TENM3: variants seen among roughly 807,000 people sequenced by gnomAD.
The protein encoded by TENM3 is teneurin transmembrane protein 3, also known as teneurin-3.
In TENM3, 63 loss-of-function variants were observed where a neutral mutation model predicts 255.1. That is an observed-to-expected ratio of 0.25 (90% CI 0.20 to 0.30). The LOEUF is 0.30. Among genes scored for constraint, TENM3 ranks in the 10% least tolerant of loss-of-function variants. The probability of loss-of-function intolerance (pLI) is 1.00; values close to 1 mark genes in which losing one functional copy is unlikely to be tolerated. For missense variants in TENM3, 2,929 were observed against 3,461.1 expected (o/e 0.85, Z 3.86); for synonymous variants, 1,306 against 1,322.3 (o/e 0.99, Z 0.27).
the TENM3 span, among the ~76,000 whole-genome samples, chr4:181,548,591 G>C: frequency 6.6e-6 from 1 of 152,100 alleles, no homozygotes; most frequent in Non-Finnish European, 1.5e-5. Context: ...TAATTTCCAC[G>C]TGGATTCCTC....
chr4:182,721,124 G>A (rs6847202), intron 13 of TENM3, among the ~76,000 whole-genome samples: 95 of 152,214 alleles, frequency 6.2e-4, no homozygotes, highest in African/African-American at 2.3e-3. Context: ...TGAAGCTTAA[G>A]AATGTGGACG....
intron 22 of TENM3, among the ~76,000 whole-genome samples, chr4:182,760,383 G>A (rs569825169): frequency 4.1e-4 from 62 of 152,228 alleles, no homozygotes; most frequent in African/African-American, 1.2e-3. Context: ...AACAGAATAC[G>A]TTATTTAATA....
chr4:182,271,899 G>A (rs1759653847), intron 1 of TENM3, among the ~76,000 whole-genome samples: 1 of 152,190 alleles, frequency 6.6e-6, no homozygotes, highest in African/African-American at 2.4e-5. Context: ...GTGAGAGCAG[G>A]TGCAGCAGGG....
intron 3 of TENM3, among the ~76,000 whole-genome samples, chr4:182,383,506 G>A (rs1182137733): frequency 6.6e-6 from 1 of 152,028 alleles, no homozygotes; most frequent in Non-Finnish European, 1.5e-5. Context: ...AGGGGTACAG[G>A]TGCAGGTTTG....
At chr4:181,900,065 A>G in the TENM3 span, among the ~76,000 whole-genome samples, 1 of 152,186 alleles carries the variant, frequency 6.6e-6, no homozygotes, top group Non-Finnish European at 1.5e-5. Flanking sequence ...CATGAAAATA[A>G]CAACTTCTAT....
chr4:181,869,830 T>C, the TENM3 span, among the ~76,000 whole-genome samples: 26 of 152,044 alleles, frequency 1.7e-4, 1 homozygote, highest in African/African-American at 6.0e-4. Flanking sequence ...CAACAAACAA[T>C]AAAAATAATA....
chr4:182,656,862 A>G (rs1442919378), intron 6 of TENM3, among the ~76,000 whole-genome samples: 1 of 152,200 alleles, frequency 6.6e-6, no homozygotes, highest in Non-Finnish European at 1.5e-5. Flanking sequence ...TATCTAAAAG[A>G]AGGATTTCTG....
intron 2 of TENM3, among the ~76,000 whole-genome samples, chr4:182,345,113 C>T (rs971105122): frequency 2.6e-5 from 4 of 152,226 alleles, no homozygotes; most frequent in Non-Finnish European, 4.4e-5. Context: ...AACTGATTTT[C>T]ATTATTTATG....
At chr4:181,749,897 C>T in the TENM3 span, among the ~76,000 whole-genome samples, 79 of 152,134 alleles carry the variant, frequency 5.2e-4, 1 homozygote, top group Non-Finnish European at 9.1e-4. Context: ...CCCACTTGCC[C>T]GAAATATGTC....
At chr4:182,439,637 T>A (rs559687654) in intron 3 of TENM3, among the ~76,000 whole-genome samples, 1 of 152,334 alleles carries the variant, frequency 6.6e-6, no homozygotes, top group African/African-American at 2.4e-5. Flanking sequence ...CTGTCTCTAT[T>A]TCCCCACCAT....
chr4:182,687,276 T>A (rs910670039), intron 11 of TENM3, among the ~76,000 whole-genome samples: 3 of 152,192 alleles, frequency 2.0e-5, no homozygotes, highest in Non-Finnish European at 2.9e-5. Flanking sequence ...AACTTTAATC[T>A]TATATGTAAA....
At chr4:181,896,647 G>A in the TENM3 span, among the ~76,000 whole-genome samples, 2 of 152,300 alleles carry the variant, frequency 1.3e-5, no homozygotes, top group South Asian at 4.1e-4. Flanking sequence ...AAAAAACGGA[G>A]GCATGCATTG....
chr4:182,313,815 C>G (rs545296783), intron 1 of TENM3, among the ~76,000 whole-genome samples: 1 of 152,064 alleles, frequency 6.6e-6, no homozygotes, highest in Non-Finnish European at 1.5e-5. Context: ...TTTTCCTCAC[C>G]CTCATTTTAG....
intron 1 of TENM3, among the ~76,000 whole-genome samples, chr4:182,159,157 C>T (rs1750918183): frequency 6.6e-6 from 1 of 152,204 alleles, no homozygotes; most frequent in Non-Finnish European, 1.5e-5. Flanking sequence ...CCCCACACAG[C>T]AGACATGGTG....
chr4:181,857,412 A>C, the TENM3 span, among the ~76,000 whole-genome samples: 4 of 152,024 alleles, frequency 2.6e-5, no homozygotes, highest in African/African-American at 9.7e-5. Flanking sequence ...CTTGTCAGTC[A>C]TGAAAAGAGA....
the TENM3 span, among the ~76,000 whole-genome samples, chr4:181,856,334 A>T: frequency 6.6e-6 from 1 of 152,020 alleles, no homozygotes; most frequent in Non-Finnish European, 1.5e-5. Context: ...TATAAATCTA[A>T]AGCAGTCCTC....
At chr4:182,305,649 G>A (rs888280844) in intron 1 of TENM3, among the ~76,000 whole-genome samples, 3 of 152,162 alleles carry the variant, frequency 2.0e-5, no homozygotes, top group South Asian at 2.1e-4. Flanking sequence ...TCTCTTTCCC[G>A]GTTACACGCC....
chr4:181,961,959 A>T, the TENM3 span, among the ~76,000 whole-genome samples: 1 of 152,192 alleles, frequency 6.6e-6, no homozygotes, highest in African/African-American at 2.4e-5. Flanking sequence ...ACTATAGGTG[A>T]AAATGTTACA....
the TENM3 span, among the ~76,000 whole-genome samples, chr4:181,994,568 T>TG: frequency 1.2e-3 from 178 of 150,416 alleles, 2 homozygotes; most frequent in East Asian, 0.019. Context: ...TTTTTTTTTT[T>TG]TGTGAACTCA....
Sources: allele counts gnomAD v4.1 joint callset (sites outside exome capture counted in the v4.1 genomes callset), GRCh38; gene constraint gnomAD v4.1.1; transcripts MANE v1.5; gene names NCBI Gene and HGNC (gene_info 2026-07-23, HGNC 2026-07-21).